Variants in ACACA observed in about 807,000 individuals in gnomAD.
The protein encoded by ACACA is acetyl-CoA carboxylase 1.
A neutral mutation model predicts 296.1 loss-of-function variants in ACACA; 103 were observed. The observed-to-expected ratio is 0.35, with a 90% CI of 0.30 to 0.41. ACACA has a LOEUF of 0.41. Among genes scored for constraint, ACACA ranks in the 10% least tolerant of loss-of-function variants. ACACA has a pLI of 1.00. For synonymous variants in ACACA, 953 were observed against 1,038.6 expected (o/e 0.92, Z 1.58); for missense variants, 1,554 against 2,989.7 (o/e 0.52, Z 11.20).
intron 1 of ACACA, among the ~76,000 whole-genome samples, chr17:37,340,828 G>A (rs1443323343): frequency 6.6e-6 from 1 of 152,098 alleles, no homozygotes; most frequent in African/African-American, 2.4e-5. Flanking sequence ...GTCAAATATT[G>A]CAAGTGACTG....
At chr17:37,201,079 T>C (rs1454868977) in intron 33 of ACACA, among the ~76,000 whole-genome samples, 1 of 152,226 alleles carries the variant, frequency 6.6e-6, no homozygotes, top group Admixed American at 6.5e-5. Context: ...AAAAGCAATA[T>C]TTAATAGGCC....
intron 33 of ACACA, among the ~76,000 whole-genome samples, chr17:37,202,716 C>CAT (rs1756877162): frequency 9.3e-4 from 20 of 21,528 alleles, no homozygotes; most frequent in African/African-American, 3.0e-3. Context: ...TATATATACA[C>CAT]ACACACATAT....
At chr17:37,192,909 A>G (rs2077822758) in intron 36 of ACACA, among the ~76,000 whole-genome samples, 1 of 152,204 alleles carries the variant, frequency 6.6e-6, no homozygotes, top group Non-Finnish European at 1.5e-5. Context: ...TGTATGTTTC[A>G]GTGAAACTAA....
chr17:37,377,862 C>T, intron 1 of ACACA: 1 of 1,608,056 alleles, frequency 6.2e-7, no homozygotes, highest in Non-Finnish European at 8.5e-7. Flanking sequence ...CCCTCCTCCC[C>T]CTCTGCTCAC....
chr17:37,336,178 G>A (rs995155916), intron 2 of ACACA, among the ~76,000 whole-genome samples: 1 of 152,044 alleles, frequency 6.6e-6, no homozygotes, highest in African/African-American at 2.4e-5. Flanking sequence ...AATCTACCAC[G>A]GACCCCTGGA....
chr17:37,388,918 C>A, intron 1 of ACACA: 1 of 1,259,468 alleles, frequency 7.9e-7, no homozygotes, highest in Non-Finnish European at 1.1e-6. Context: ...GCCACTCACA[C>A]TCACTAGCTG....
chr17:37,179,182 A>G (rs2077227405), intron 41 of ACACA, 78 bp downstream of exon 41: 6 of 1,572,872 alleles, frequency 3.8e-6, no homozygotes, highest in East Asian at 2.2e-5. Flanking sequence ...CTCCAGTGCT[A>G]TTTAATGACC....
chr17:37,116,037 A>G (rs1597863181), intron 50 of ACACA, among the ~76,000 whole-genome samples: 1 of 152,108 alleles, frequency 6.6e-6, no homozygotes, highest in South Asian at 2.1e-4. Context: ...CTGTCTCCCA[A>G]GCTGGAGTGC....
chr17:37,147,098 C>A (rs1404520308), intron 45 of ACACA, among the ~76,000 whole-genome samples: 4 of 151,972 alleles, frequency 2.6e-5, no homozygotes, highest in African/African-American at 7.3e-5. Context: ...TTATTCTTCA[C>A]CCCAATGTTT....
chr17:37,363,276 G>A (rs1473959024), intron 1 of ACACA, among the ~76,000 whole-genome samples: 2 of 141,940 alleles, frequency 1.4e-5, no homozygotes, highest in African/African-American at 2.6e-5. Context: ...TCCACCTCCC[G>A]GGTTCAAGCG....
chr17:37,145,709 G>T (rs1437719594), intron 45 of ACACA, among the ~76,000 whole-genome samples: 1 of 152,100 alleles, frequency 6.6e-6, no homozygotes, highest in African/African-American at 2.4e-5. Flanking sequence ...GATACCATTA[G>T]CCCATTCCAG....
rs1313744444 is a variant in ACACA, at chr17:37,087,353, A to G, written c.7115T>C (p.Ile2372Thr). 6.2e-7 allele frequency: 1 copy of G among 1,614,128 alleles called. No homozygotes were observed. Residue 2372 changes from isoleucine (I) to threonine (T), a missense_variant, in exon 56 of 56, where the codon ATA becomes ACA. By Grantham distance (89) the Ile-to-Thr change is moderately conservative. This residue lies in a region of ACACA where 553 missense variants were observed against 1,043.6 expected (regional missense o/e 0.53). Transcript: ENST00000616317. ...HISPTQRAEVIRILSTMDSPS... is the reference protein window; with the variant it reads ...HISPTQRAEVTRILSTMDSPS... ...GGAATCCATTGTGGAGAGGATCCGTATGACTTCTGCTCGCTGAGTGGGTGA... is the reference window on the plus strand; with the variant it reads ...GGAATCCATTGTGGAGAGGATCCGTGTGACTTCTGCTCGCTGAGTGGGTGA...
intron 30 of ACACA, 65 bp from the exon 31 acceptor site, chr17:37,207,865 A>T: frequency 6.3e-7 from 1 of 1,577,302 alleles, no homozygotes; most frequent in South Asian, 1.1e-5. Flanking sequence ...GGAAAGTAAC[A>T]GTAGGGAAAA....
At chr17:37,185,093 G>A (rs1045770012) in intron 39 of ACACA, among the ~76,000 whole-genome samples, 3 of 152,168 alleles carry the variant, frequency 2.0e-5, no homozygotes, top group African/African-American at 4.8e-5. Context: ...CTGCAAAGGC[G>A]AATAAGAGAA....
chr17:37,309,679 C>A (rs908794126), intron 3 of ACACA, among the ~76,000 whole-genome samples: 1 of 152,010 alleles, frequency 6.6e-6, no homozygotes, highest in South Asian at 2.1e-4. Context: ...AACTGAAAGG[C>A]CAGTATGATT....
chr17:37,259,572 T>C (rs2081353987), intron 11 of ACACA, 42 bp from the exon 12 acceptor site: 4 of 1,610,520 alleles, frequency 2.5e-6, no homozygotes, highest in African/African-American at 2.7e-5. Context: ...TCTCACCTTA[T>C]CCAACTGCTA....
rs569923938 is a variant in ACACA at position 37,088,445 on chromosome 17, G to A, written c.7028+493C>T. Among the ~76,000 whole-genome samples, 6 of 152,278 alleles carry A rather than the reference G, an allele frequency of 3.9e-5. No homozygotes were observed. The South Asian group carries it at 1.0e-3, about 26-fold the overall frequency. ...GAGTACAGATATTATATATAGGGGT[G>A]TTCTTTGTACTGTTTTTAATTTTAT... is the stretch of plus-strand genomic sequence containing the variant. On this transcript the variant is annotated intron_variant, in intron 55 of 55. Transcript: ENST00000616317.
chr17:37,377,966 G>A (rs1568075262), intron 1 of ACACA: 1 of 1,613,120 alleles, frequency 6.2e-7, no homozygotes, highest in South Asian at 1.1e-5. Flanking sequence ...CAAATGCAAG[G>A]TAGGGAATGG....
At chr17:37,207,597 A>G in intron 31 of ACACA, 60 bp downstream of exon 31, 1 of 1,600,016 alleles carries the variant, frequency 6.2e-7, no homozygotes, top group South Asian at 1.1e-5. Context: ...GAAAGATGAG[A>G]CCCCAAAACA....
Sources: gnomAD v4.1 joint callset for allele counts (sites outside exome capture counted in the v4.1 genomes callset) on GRCh38, gnomAD v4.1.1 for gene constraint, gnomAD v4.1.1 regional missense constraint, MANE v1.5 for transcripts, NCBI Gene and HGNC (gene_info 2026-07-23, HGNC 2026-07-21) for gene names.